ANPEP: variants seen among roughly 807,000 people sequenced by gnomAD.
ANPEP encodes the protein alanyl aminopeptidase, membrane.
A neutral mutation model predicts 114.6 loss-of-function variants in ANPEP; 70 were observed. That is an observed-to-expected ratio of 0.61 (90% CI 0.50 to 0.75). ANPEP has a LOEUF of 0.75. ANPEP is among the 30% of genes least tolerant of loss of function. ANPEP has a pLI of 0.00. For synonymous variants in ANPEP, 548 were observed against 522.3 expected, an observed-to-expected ratio of 1.05 and a Z score of -0.67; for missense variants, 1,184 against 1,259.5, an observed-to-expected ratio of 0.94 and a Z score of 0.91.
chr15:89,790,595 C>G, intron 19 of ANPEP, 54 bp from the exon 20 acceptor site: 1 of 1,461,786 alleles, frequency 6.8e-7, no homozygotes, highest in East Asian at 2.3e-5. Context: ...TAAGGAGGCT[C>G]ATCCTCACAC....
Position 89,806,346 on chromosome 15 carries a change from G to A in ANPEP, c.238C>T (p.Leu80=), listed in dbSNP as rs1013481505. The part of the protein sequence containing the change: ...AWNRYRLPNT[L]KPDSYRVTLR... ...GTCACCCGGTAGGAATCGGGTTTCA[G>A]CGTGTTGGGGAGGCGGTAACGATTC... is the stretch of plus-strand genomic sequence containing the variant. The change falls in exon 2 of 21, where the codon CTG becomes TTG. Residue 80 remains leucine (L), a synonymous_variant. Coordinates refer to ENST00000300060, the MANE Select transcript of ANPEP (RefSeq NM_001150.3). This position sits in a 1 kb window ranked among gnomAD's most constrained non-coding sequence, Gnocchi z 5.7. 3 of 1,614,166 alleles carry A rather than the reference G, an allele frequency of 1.9e-6. No homozygotes were observed. In the South Asian group the frequency reaches 3.3e-5, roughly 18 times the overall value.
chr15:89,805,791 C>A (rs1256370412), intron 2 of ANPEP, among the ~76,000 whole-genome samples, 179 bp downstream of exon 2: 2 of 152,142 alleles, frequency 1.3e-5, no homozygotes, highest in Non-Finnish European at 2.9e-5. Flanking sequence ...GGTGGGGAAG[C>A]CCTCCCAGTT....
At chr15:89,794,327 T>C (rs1968688527) in intron 15 of ANPEP, among the ~76,000 whole-genome samples, 2 of 151,542 alleles carry the variant, frequency 1.3e-5, no homozygotes, top group Non-Finnish European at 2.9e-5. Flanking sequence ...CTACTAAAAA[T>C]ACAAAAATTA....
At chr15:89,804,938 A>G (rs988071291) in intron 4 of ANPEP, 140 bp downstream of exon 4, 19 of 1,230,846 alleles carry the variant, frequency 1.5e-5, no homozygotes, top group Admixed American at 1.1e-4. Flanking sequence ...AGAGAACAAG[A>G]CACTTGCCTG....
At position 89,799,408 on chromosome 15, in the gene ANPEP, G is replaced by A. The variant is rs1894539063; in HGVS notation, c.1953+18C>T. The A allele has an allele frequency of 3.7e-6, 6 of 1,614,124 alleles. No individual in the cohort carries two copies. The highest frequency in any genetic ancestry group is 1.3e-5 in the African/African-American group (1 of 75,036). On this transcript the variant is annotated intron_variant, in intron 13 of 20. Coordinates refer to ENST00000300060, the MANE Select transcript of ANPEP (RefSeq NM_001150.3). This position sits in a 1 kb window ranked among gnomAD's most constrained non-coding sequence, Gnocchi z 4.2. Reference sequence around the variant, plus strand: ...TGTCCTGGGGCAGGGGGCAGGGCGAGGGGTGGCAGACACTCACCGAGTGGT... The same window carrying A: ...TGTCCTGGGGCAGGGGGCAGGGCGAAGGGTGGCAGACACTCACCGAGTGGT...
rs141811394 is a variant in ANPEP, at chr15:89,804,578, G to C, written c.937C>G (p.His313Asp). 154 of 1,614,078 alleles carry C rather than the reference G, an allele frequency of 9.5e-5. No individual in the cohort carries two copies. The African/African-American group carries it at 1.9e-3, about 20-fold the overall frequency. Reference sequence around the variant, plus strand: ...GTCACGTTCAGGGCATAATCGCCGTGGCCCGCCGCAATGGCACTGGGCCGG... The same window carrying C: ...GTCACGTTCAGGGCATAATCGCCGTCGCCCGCCGCAATGGCACTGGGCCGG... Reference protein sequence around the residue: ...WARPSAIAAGHGDYALNVTGP... With the variant: ...WARPSAIAAGDGDYALNVTGP... The change falls in exon 5 of 21, where the codon CAC becomes GAC. Residue 313 changes from histidine to aspartate, a missense_variant. Coordinates refer to ENST00000300060, the MANE Select transcript of ANPEP (RefSeq NM_001150.3).
At position 89,785,407 on chromosome 15, in the gene ANPEP, T is replaced by C; in HGVS notation, c.2846A>G (p.Lys949Arg). 6.2e-7 allele frequency: 1 copy of C among 1,614,224 alleles called. No individual in the cohort carries two copies. The highest frequency in any genetic ancestry group is 8.5e-7 in the Non-Finnish European group (1 of 1,180,032). ...QALEKTKANI[K>R]WVKENKEVVL... ...CACCTCCTTGTTCTCCTTCACCCAC[T>C]TGATGTTGGCTTTCGTCTTCTCCAG... The change falls in exon 21 of 21, where the codon AAG becomes AGG. Residue 949 changes from lysine (K) to arginine (R), a missense_variant. By Grantham distance (26) the Lys-to-Arg change is conservative (BLOSUM62 2). Coordinates refer to ENST00000300060, the MANE Select transcript of ANPEP (RefSeq NM_001150.3).
At chr15:89,790,359 G>C in intron 20 of ANPEP, 101 bp downstream of exon 20, 1 of 1,053,190 alleles carries the variant, frequency 9.5e-7, no homozygotes, top group South Asian at 1.3e-5. Context: ...CTGGCGGCGT[G>C]GAGCCTGTGC....
At chr15:89,813,880 AAC>A (rs1359899480) in intron 1 of ANPEP, among the ~76,000 whole-genome samples, 11 of 152,036 alleles carry the variant, frequency 7.2e-5, no homozygotes, top group Admixed American at 3.3e-4. Flanking sequence ...ACCACCCCCG[AAC>A]ACGGCCTGGT....
At position 89,799,488 on chromosome 15, in the gene ANPEP, G is replaced by A. The variant is rs763647069; in HGVS notation, c.1891C>T (p.Arg631Trp). The A allele has an allele frequency of 1.7e-5, 28 of 1,614,160 alleles. No homozygotes were observed. The highest frequency in any genetic ancestry group is 6.7e-5 in the Admixed American group (4 of 60,024). ...LLNLNVTGYY[R>W]VNYDEENWRK... ...CAGTTCTCTTCGTCGTAGTTCACCCGGTAATAGCCCGTCACATTGAGGTTC... is the reference window on the plus strand; with the variant it reads ...CAGTTCTCTTCGTCGTAGTTCACCCAGTAATAGCCCGTCACATTGAGGTTC... Residue 631 changes from arginine to tryptophan, a missense_variant, in exon 13 of 21, where the codon CGG becomes TGG. Coordinates refer to ENST00000300060, the MANE Select transcript of ANPEP (RefSeq NM_001150.3). The surrounding 1 kb of genome is among the most constrained non-coding windows in gnomAD (Gnocchi z 4.2).
At chr15:89,791,486 G>A (rs888742535) in intron 18 of ANPEP, among the ~76,000 whole-genome samples, 2 of 152,092 alleles carry the variant, frequency 1.3e-5, no homozygotes, top group African/African-American at 4.8e-5. Flanking sequence ...CGCCCAGGCT[G>A]GAGTGCAGTG....
rs1431895643 is a variant in ANPEP, at chr15:89,806,603, C to T, written c.-20G>A. 1.9e-6 allele frequency: 3 copies of T among 1,551,984 alleles called. No individual in the cohort carries two copies. The highest frequency in any genetic ancestry group is 3.9e-5 in the Admixed American group (2 of 51,672). On this transcript the variant is annotated 5_prime_UTR_variant, in exon 2 of 21. Transcript: ENST00000300060. The surrounding 1 kb of genome is among the most constrained non-coding windows in gnomAD (Gnocchi z 5.7). ...GGCCATGGTGATGGTGGGGAGGCGG[C>T]TCAGGGAGCCTCAGGCCAGGCAGAG...
At position 89,806,646 on chromosome 15, in the gene ANPEP, C is replaced by G; in HGVS notation, c.-63G>C. On this transcript the variant is annotated 5_prime_UTR_variant, in exon 2 of 21. Transcript: ENST00000300060. This position sits in a 1 kb window ranked among gnomAD's most constrained non-coding sequence, Gnocchi z 5.7. ...AGGCAGAGAACGGAGCAGCCCCAGGCCGGGCTTATATCCCCAAAGGGGAGG... is the reference window on the plus strand; with the variant it reads ...AGGCAGAGAACGGAGCAGCCCCAGGGCGGGCTTATATCCCCAAAGGGGAGG... 1.4e-6 allele frequency: 2 copies of G among 1,477,964 alleles called. No homozygotes were observed. Among genetic ancestry groups the G allele is most frequent in the South Asian group, 2.7e-5 (2 of 72,750 alleles). 91.6% of individuals were successfully genotyped at this position (1,477,964 alleles called of 1,614,324 possible). A position where few individuals can be genotyped will look rare whatever the true frequency, so the allele number is the denominator to read the frequency against.
chr15:89,806,245 G>T lies in ANPEP; in HGVS notation c.339C>A (p.Cys113Ter), dbSNP rs754573100. The change falls in exon 2 of 21, where the codon TGC (cysteine) becomes TGA (stop). Residue 113 changes from cysteine to a stop codon, truncating the protein, a stop_gained. Coordinates refer to ENST00000300060, the MANE Select transcript of ANPEP (RefSeq NM_001150.3). LOFTEE classifies it high-confidence loss of function. The surrounding 1 kb of genome is among the most constrained non-coding windows in gnomAD (Gnocchi z 5.7). ...FKGSSTVRFT[C>*]KEATDVIIIH... ...TGATGATGACGTCAGTGGCCTCCTT[G>T]CAGGTGAAACGGACGGTGCTGGAGC... 6 of 1,614,132 alleles carry T rather than the reference G, an allele frequency of 3.7e-6. No homozygotes were observed. The highest frequency in any genetic ancestry group is 3.4e-6 in the Non-Finnish European group (4 of 1,180,006).
At position 89,800,851 on chromosome 15, in the gene ANPEP, C is replaced by T. The variant is rs117972242; in HGVS notation, c.1819+260G>A. ...TACAGGCATGAGCCACCATGCCTGG[C>T]CTAGGATTCTCTCCTTTAATCCTCA... On this transcript the variant is annotated intron_variant, in intron 12 of 20. Coordinates refer to ENST00000300060, the MANE Select transcript of ANPEP (RefSeq NM_001150.3). Among the ~76,000 whole-genome samples, 19 of 152,264 alleles carry T rather than the reference C, an allele frequency of 1.2e-4. No individual in the cohort carries two copies. The East Asian group carries it at 3.5e-3, about 28-fold the overall frequency.
chr15:89,802,919 C>T (rs1489546293), intron 10 of ANPEP, among the ~76,000 whole-genome samples: 1 of 152,052 alleles, frequency 6.6e-6, no homozygotes, highest in Non-Finnish European at 1.5e-5. Context: ...TGTCAGGCTC[C>T]AGAGTTCCAG....
At chr15:89,804,782 G>T in intron 4 of ANPEP, 165 bp from the exon 5 acceptor site, 1 of 1,023,434 alleles carries the variant, frequency 9.8e-7, no homozygotes, top group Non-Finnish European at 1.4e-6. Context: ...ACGCTACTGG[G>T]GTCTGGAGGC....
At chr15:89,810,048 C>A (rs1402599612) in intron 1 of ANPEP, among the ~76,000 whole-genome samples, 3 of 152,158 alleles carry the variant, frequency 2.0e-5, no homozygotes, top group African/African-American at 7.2e-5. Flanking sequence ...CTGCGCTTCC[C>A]CAGTCTCCAG....
chr15:89,798,365 G>A (rs1375823358), intron 14 of ANPEP, among the ~76,000 whole-genome samples: 8 of 152,272 alleles, frequency 5.3e-5, no homozygotes, highest in East Asian at 3.9e-4. Flanking sequence ...AGCTGGGCAC[G>A]GTGGCTCACA....
Sources: gnomAD v4.1 joint callset for allele counts (sites outside exome capture counted in the v4.1 genomes callset) on GRCh38, gnomAD v4.1.1 for gene constraint, Gnocchi (gnomAD v3.1) non-coding constraint, MANE v1.5 for transcripts, NCBI Gene and HGNC (gene_info 2026-07-23, HGNC 2026-07-21) for gene names.